SNU13: variants seen among roughly 807,000 people sequenced by gnomAD.
The protein encoded by SNU13 is NHP2-like protein 1.
In SNU13, 2 loss-of-function variants were observed where a neutral mutation model predicts 12.4. That is an observed-to-expected ratio of 0.16 (90% confidence interval 0.07 to 0.51). The LOEUF (loss-of-function observed/expected upper bound fraction) is 0.51, where lower values mean the gene tolerates loss of function less well. Ranked by LOEUF, SNU13 falls within the 20% of genes least tolerant of loss-of-function variation. The pLI is 0.96. For missense variants in SNU13, 66 were observed against 157.8 expected, an observed-to-expected ratio of 0.42 and a Z score of 3.12; for synonymous variants, 68 against 66.5, an observed-to-expected ratio of 1.02 and a Z score of -0.11.
chr22:41,676,852 G>A (rs996410642), intron 2 of SNU13, among the ~76,000 whole-genome samples: 1 of 151,898 alleles, frequency 6.6e-6, no homozygotes, highest in Non-Finnish European at 1.5e-5. Context: ...ATCCATATTG[G>A]GTACTGTCCA....
chr22:41,689,424 C>T (rs2068341983), upstream of SNU13: 2 of 149,882 alleles, frequency 1.3e-5, no homozygotes, highest in African/African-American at 5.0e-5. Context: ...AATCGCAGCA[C>T]TTTGGGAGGC....
upstream of SNU13, chr22:41,688,962 C>T (rs1601578952): frequency 7.4e-7 from 1 of 1,357,338 alleles, no homozygotes; most frequent in Non-Finnish European, 9.6e-7. Flanking sequence ...TCTACGGGGG[C>T]ACTGGCGCGG....
chr22:41,676,663 A>G (rs1048705888), intron 2 of SNU13, among the ~76,000 whole-genome samples: 5 of 152,222 alleles, frequency 3.3e-5, no homozygotes, highest in Non-Finnish European at 5.9e-5. Context: ...ATTTGGTGGC[A>G]GCTGAAATCA....
intron 1 of SNU13, chr22:41,682,357 A>G: frequency 6.2e-7 from 1 of 1,613,880 alleles, no homozygotes; most frequent in Non-Finnish European, 8.5e-7. Flanking sequence ...AACACTCACC[A>G]TAGCGTCTGT....
At chr22:41,679,263 T>A (rs2068240694) in intron 2 of SNU13, among the ~76,000 whole-genome samples, 1 of 147,152 alleles carries the variant, frequency 6.8e-6, no homozygotes, top group Non-Finnish European at 1.5e-5. Context: ...AAAATAAAAA[T>A]AAAAATAAGG....
upstream of SNU13, chr22:41,689,067 A>G: frequency 9.1e-6 from 11 of 1,205,208 alleles, no homozygotes; most frequent in Non-Finnish European, 1.1e-5. Context: ...AAACATTCAA[A>G]AAGTAACCCA....
intron 1 of SNU13, among the ~76,000 whole-genome samples, chr22:41,686,935 G>A (rs190074323): frequency 5.1e-4 from 75 of 147,530 alleles, no homozygotes; most frequent in African/African-American, 1.8e-3. Context: ...GGAAATTTTG[G>A]TTAATAATTT....
intron 1 of SNU13, 58 bp from the exon 2 acceptor site, chr22:41,680,422 T>G (rs1359573371): frequency 2.5e-5 from 40 of 1,571,550 alleles, no homozygotes; most frequent in Non-Finnish European, 2.3e-5. Flanking sequence ...CCTACCTGAG[T>G]CACAAAATAC....
chr22:41,688,626 C>A (rs966391978), intron 1 of SNU13, among the ~76,000 whole-genome samples, 168 bp downstream of exon 1: 2 of 152,196 alleles, frequency 1.3e-5, no homozygotes, highest in South Asian at 4.1e-4. Context: ...TCGGGCCAGG[C>A]TGCTGGGACC....
At chr22:41,678,267 G>A (rs948606393) in intron 2 of SNU13, among the ~76,000 whole-genome samples, 10 of 152,024 alleles carry the variant, frequency 6.6e-5, no homozygotes, top group Non-Finnish European at 1.2e-4. Flanking sequence ...GAGCCACCGC[G>A]CCCGGCCTCT....
chr22:41,676,293 T>C (rs1222699421), intron 2 of SNU13, among the ~76,000 whole-genome samples: 2 of 152,146 alleles, frequency 1.3e-5, no homozygotes, highest in African/African-American at 4.8e-5. Flanking sequence ...CGTACTCTCC[T>C]GACTGCTTGC....
intron 2 of SNU13, among the ~76,000 whole-genome samples, chr22:41,678,486 G>C (rs1036809979): frequency 1.1e-4 from 17 of 152,132 alleles, no homozygotes; most frequent in African/African-American, 4.1e-4. Context: ...CTCCCTCCCT[G>C]AACTCCCAGT....
At chr22:41,690,290 G>A, upstream of SNU13, 3 of 644,116 alleles carry the variant, frequency 4.7e-6, no homozygotes, top group South Asian at 5.4e-5. Context: ...TATTTCATAG[G>A]AAGAAAGAAA....
In SNU13 at chr22:41,675,096, T is replaced by A. The variant is rs752434289; in HGVS notation, c.224A>T (p.Asp75Val). The A allele has an allele frequency of 1.9e-6, 3 of 1,614,200 alleles. No homozygotes were observed. The highest frequency in any genetic ancestry group is 2.5e-6 in the Non-Finnish European group (3 of 1,180,020). ...CACAAACACGTAGGGCACATTCTTG[T>A]CTTCACACAGCAGCGGCAGGTGCAG... ...IILHLPLLCEDKNVPYVFVRS... is the reference protein window; with the variant it reads ...IILHLPLLCEVKNVPYVFVRS... The change falls in exon 3 of 3, where the codon GAC (aspartate) becomes GTC (valine). Residue 75 changes from aspartate (D) to valine (V), a missense_variant. By Grantham distance (152) the Asp-to-Val change is radical. Transcript: ENST00000401959.
At chr22:41,688,973 A>G (rs764214620), upstream of SNU13, 3 of 1,347,720 alleles carry the variant, frequency 2.2e-6, no homozygotes, top group South Asian at 5.4e-5. Context: ...ACTGGCGCGG[A>G]AACTGGCCCT....
chr22:41,682,256 T>A, intron 1 of SNU13: 1 of 1,311,134 alleles, frequency 7.6e-7, no homozygotes, highest in Non-Finnish European at 1.1e-6. Flanking sequence ...TTTTCCTCCT[T>A]CCGTTTTTTT....
At chr22:41,690,344 A>G, upstream of SNU13, 1 of 711,396 alleles carries the variant, frequency 1.4e-6, no homozygotes, top group Non-Finnish European at 2.6e-6. Flanking sequence ...ACATTCAGGG[A>G]ACTTAATCTT....
chr22:41,682,643 A>G, intron 1 of SNU13: 1 of 1,186,166 alleles, frequency 8.4e-7, no homozygotes, highest in Non-Finnish European at 1.1e-6. Flanking sequence ...GGGTTGGGGG[A>G]GGTCAAGGGA....
At chr22:41,678,130 C>CACGCCCGGCTAAT (rs2068230383) in intron 2 of SNU13, among the ~76,000 whole-genome samples, 1 of 152,100 alleles carries the variant, frequency 6.6e-6, no homozygotes, top group Admixed American at 6.6e-5. Context: ...CGCCCGCCAC[C>CACGCCCGGCTAAT]ACGCCCGGCT....
Sources: allele counts gnomAD v4.1 joint callset (sites outside exome capture counted in the v4.1 genomes callset), GRCh38; gene constraint gnomAD v4.1.1; transcripts MANE v1.5; gene names NCBI Gene and HGNC (gene_info 2026-07-23, HGNC 2026-07-21).